The following COCH variants were observed in gnomAD, a reference collection of about 807,000 sequenced individuals.
COCH encodes cochlin.
In COCH, 40 loss-of-function variants were observed where a neutral mutation model predicts 54.8. The observed-to-expected ratio is 0.73, with a 90% confidence interval of 0.57 to 0.95. The LOEUF (loss-of-function observed/expected upper bound fraction) is 0.95. Ranked by LOEUF, COCH falls within the 40% of genes least tolerant of loss-of-function variation. The pLI, the probability that COCH is intolerant of heterozygous loss-of-function variation, is 0.00. For synonymous variants in COCH, 256 were observed against 237.9 expected (o/e 1.08, Z -0.70); for missense variants, 605 against 675.0 (o/e 0.90, Z 1.15).
chr14:30,894,902 T>TC (rs1896088573), downstream of COCH: 1 of 1,063,146 alleles, frequency 9.4e-7, no homozygotes. Context: ...TCTTTTTTTT[T>TC]TTTTTTAAAG....
intron 11 of COCH, 135 bp downstream of exon 11, chr14:30,886,447 C>A: frequency 1.1e-6 from 1 of 903,758 alleles, no homozygotes; most frequent in Non-Finnish European, 1.7e-6. Context: ...GTTAAAGCAG[C>A]CCTACTCATC....
At chr14:30,893,349 T>G (rs1402141971), downstream of COCH, among the ~76,000 whole-genome samples, 1 of 151,880 alleles carries the variant, frequency 6.6e-6, no homozygotes, top group Non-Finnish European at 1.5e-5. Flanking sequence ...AGACGGGGTT[T>G]CATCGTGTTA....
At chr14:30,893,893 C>T (rs1445086136), downstream of COCH, 4 of 152,534 alleles carry the variant, frequency 2.6e-5, no homozygotes, top group African/African-American at 4.8e-5. Flanking sequence ...TACAGGTACA[C>T]AATTTAATAT....
intron 1 of COCH, 155 bp from the exon 2 acceptor site, chr14:30,874,761 C>T: frequency 1.4e-6 from 1 of 717,844 alleles, no homozygotes; most frequent in Non-Finnish European, 2.4e-6. Context: ...GAGGCGCCTC[C>T]CAGACCTAGA....
intron 9 of COCH, chr14:30,885,054 C>G (rs763640018): frequency 1.3e-6 from 2 of 1,593,076 alleles, no homozygotes; most frequent in Admixed American, 3.4e-5. Flanking sequence ...ACTAATCAGT[C>G]ACCAAAGGGC....
downstream of COCH, among the ~76,000 whole-genome samples, chr14:30,891,988 T>C (rs1003223645): frequency 6.6e-6 from 1 of 152,230 alleles, no homozygotes; most frequent in Non-Finnish European, 1.5e-5. Context: ...AAATGCAATG[T>C]TAGTCTTCAA....
intron 5 of COCH, 96 bp downstream of exon 5, chr14:30,879,040 A>T: frequency 6.5e-7 from 1 of 1,529,224 alleles, no homozygotes; most frequent in South Asian, 1.1e-5. Context: ...TGATGGAAAA[A>T]CCTGTGATCA....
chr14:30,889,248 C>T lies in COCH; in HGVS notation c.1478-368C>T, dbSNP rs909566996. 3 of 241,742 alleles carry T rather than the reference C, an allele frequency of 1.2e-5. No homozygotes were observed. The East Asian group carries it at 3.3e-4, about 26-fold the overall frequency. The allele number at this position is 241,742 out of a possible 1,614,324, so 15.0% of individuals were successfully genotyped here. On this transcript the variant is annotated intron_variant, in intron 11 of 11. Transcript: ENST00000396618. ...CCTCATACGGAAAATTTTCACCATCCGCATTTACTGTAGGATTTTAAAAAA... is the reference window on the plus strand; with the variant it reads ...CCTCATACGGAAAATTTTCACCATCTGCATTTACTGTAGGATTTTAAAAAA...
chr14:30,879,003 C>CA, intron 5 of COCH, 59 bp downstream of exon 5: 1 of 1,597,660 alleles, frequency 6.3e-7, no homozygotes, highest in Non-Finnish European at 8.6e-7. Context: ...ACGTTTTCTG[C>CA]TTTTTTTAGC....
At chr14:30,891,595 T>G (rs1895983788), downstream of COCH, among the ~76,000 whole-genome samples, 1 of 152,186 alleles carries the variant, frequency 6.6e-6, no homozygotes, top group South Asian at 2.1e-4. Flanking sequence ...ATAATTTTAA[T>G]TAAACATCAT....
intron 3 of COCH, chr14:30,875,395 G>A: frequency 1.7e-6 from 1 of 597,048 alleles, no homozygotes; most frequent in Non-Finnish European, 3.0e-6. Flanking sequence ...CCCCGGGCCC[G>A]CTGAGCGCCG....
Position 30,889,904 on chromosome 14 carries a change from G to C in COCH, c.*113G>C, listed in dbSNP as rs1215759223. ...CTAGAATCAGATACAAAACTATTAA[G>C]TATGTCAACAGCCATTTAGGCAAAT... On this transcript the variant is annotated 3_prime_UTR_variant, in exon 12 of 12. Coordinates refer to ENST00000396618, the MANE Select transcript of COCH (RefSeq NM_004086.3). The C allele has an allele frequency of 5.5e-6, 8 of 1,451,406 alleles. No homozygotes were observed. Among genetic ancestry groups the C allele is most frequent in the Non-Finnish European group, 7.3e-6 (8 of 1,103,048 alleles). 89.9% of individuals were successfully genotyped at this position (1,451,406 alleles called of 1,614,324 possible). A position where few individuals can be genotyped will look rare whatever the true frequency, so the allele number is the denominator to read the frequency against.
chr14:30,884,895 C>T (rs1011209614), intron 9 of COCH: 1 of 1,585,562 alleles, frequency 6.3e-7, no homozygotes, highest in East Asian at 2.2e-5. Context: ...AATTCTCATA[C>T]ATTGGATTGA....
At chr14:30,886,466 C>T in intron 11 of COCH, 154 bp downstream of exon 11, 2 of 836,820 alleles carry the variant, frequency 2.4e-6, no homozygotes, top group Non-Finnish European at 3.6e-6. Context: ...TCTCATTCTA[C>T]AGATAAGGAA....
chr14:30,895,327 C>T (rs909815236), downstream of COCH: 2 of 1,378,504 alleles, frequency 1.5e-6, no homozygotes, highest in South Asian at 1.5e-5. Flanking sequence ...CATGTAGTGT[C>T]ATATCAGTAA....
chr14:30,880,258 T>C (rs1476917114), intron 6 of COCH, among the ~76,000 whole-genome samples, 194 bp from the exon 7 acceptor site: 2 of 152,240 alleles, frequency 1.3e-5, no homozygotes, highest in Admixed American at 6.5e-5. Context: ...ATATCAAATA[T>C]GTAGGCCTAC....
Position 30,885,635 on chromosome 14 carries a change from G to A in COCH, c.960+15G>A, listed in dbSNP as rs767389910. ...TTGTTGACAAGGTAAAGTGGTGAGG[G>A]TTATCTTCTGTTACAGTGATGGGTA... On this transcript the variant is annotated intron_variant, in intron 10 of 11. Coordinates refer to ENST00000396618, the MANE Select transcript of COCH (RefSeq NM_004086.3). 8.5e-6 allele frequency: 13 copies of A among 1,521,900 alleles called. No individual in the cohort carries two copies. The highest frequency in any genetic ancestry group is 1.2e-5 in the Non-Finnish European group (13 of 1,096,094). 94.3% of individuals were successfully genotyped at this position (1,521,900 alleles called of 1,614,324 possible). A position where few individuals can be genotyped will look rare whatever the true frequency, so the allele number is the denominator to read the frequency against.
intron 11 of COCH, among the ~76,000 whole-genome samples, chr14:30,888,791 A>AG (rs980958342): frequency 7.5e-5 from 10 of 133,752 alleles, no homozygotes; most frequent in African/African-American, 2.5e-4. Context: ...ACCCTGTCTG[A>AG]GAAAAAAAAA....
rs907713383 is a variant in COCH, at chr14:30,879,549, T to C, written c.436+64T>C. ...AGCATTTGGAAGTTATGAATAAACG[T>C]GTTGTTGGTAGAAGCTTTTCTTAAA... On this transcript the variant is annotated intron_variant, in intron 6 of 11. Transcript: ENST00000396618. 27 of 1,534,962 alleles carry C rather than the reference T, an allele frequency of 1.8e-5. No individual in the cohort carries two copies. In the African/African-American group the frequency reaches 2.7e-4, roughly 15 times the overall value.
Sources: gnomAD v4.1 joint callset for allele counts (sites outside exome capture counted in the v4.1 genomes callset) on GRCh38, gnomAD v4.1.1 for gene constraint, MANE v1.5 for transcripts, NCBI Gene and HGNC (gene_info 2026-07-23, HGNC 2026-07-21) for gene names.